CEP20: variants seen among roughly 807,000 people sequenced by gnomAD.
CEP20 encodes FGFR1OP N-terminal like.
In CEP20, 18 loss-of-function variants were observed where a neutral mutation model predicts 20.0. The ratio of observed to expected loss-of-function variants is 0.90; its 90% CI spans 0.62 to 1.34. The LOEUF is 1.34. Ranked by LOEUF, CEP20 falls within the 40% of genes most tolerant of loss-of-function variation. The pLI is 0.00. For synonymous variants in CEP20, 77 were observed against 73.7 expected (o/e 1.04, Z -0.23); for missense variants, 215 against 201.6 (o/e 1.07, Z -0.40).
chr16:15,884,510 T>TTATA (rs3075235), intron 1 of CEP20, among the ~76,000 whole-genome samples: 1 of 152,098 alleles, frequency 6.6e-6, no homozygotes, highest in East Asian at 1.9e-4. Flanking sequence ...TTTTATTTAT[T>TTATA]ATTTTTTTTG....
intron 1 of CEP20, among the ~76,000 whole-genome samples, chr16:15,888,242 C>T (rs1023085780): frequency 1.3e-5 from 2 of 152,046 alleles, no homozygotes; most frequent in African/African-American, 4.8e-5. Context: ...GTCCTCCAGC[C>T]CCCGGCAGGG....
intron 3 of CEP20, among the ~76,000 whole-genome samples, chr16:15,878,696 C>T (rs754499817): frequency 1.3e-5 from 2 of 152,068 alleles, no homozygotes; most frequent in Admixed American, 6.6e-5. Context: ...GATGGGGTTT[C>T]GCCATGTTGA....
In CEP20 at chr16:15,867,512, G is replaced by T; in HGVS notation, c.453C>A (p.Asp151Glu). 1 of 1,597,016 alleles carries T rather than the reference G, an allele frequency of 6.3e-7. No homozygotes were observed. The highest frequency in any genetic ancestry group is 8.6e-7 in the Non-Finnish European group (1 of 1,169,064). ...RQPSRRKPMD[D>E]HLRKEEQKST... is the part of the protein sequence containing the mutation. ...TTTTCTGTTCCTCCTTTCTTAGGTG[G>T]TCATCTGAAATGCACAGAAACCAAT... Residue 151 changes from aspartate (D) to glutamate (E), a missense_variant, in exon 5 of 5, where the codon GAC becomes GAA. Asp to Glu is a conservative substitution (Grantham distance 45). Transcript: ENST00000255759.
In CEP20 at chr16:15,873,530, G is replaced by C. The variant is rs1345227528; in HGVS notation, c.409C>G (p.Pro137Ala). Residue 137 changes from proline (P) to alanine (A), a missense_variant, in exon 4 of 5, where the codon CCA (proline) becomes GCA (alanine). Pro to Ala is a conservative substitution (Grantham distance 27, BLOSUM62 -1). Transcript: ENST00000255759. ...LKGPSLQPSD[P>A]SLGRQPSRRK... is the part of the protein sequence containing the mutation. ...CTACTAGGTTGTCTGCCAAGACTTGGGTCTGAAGGCTGAAGTGAAGGCCCT... is the reference window on the plus strand; with the variant it reads ...CTACTAGGTTGTCTGCCAAGACTTGCGTCTGAAGGCTGAAGTGAAGGCCCT... The C allele has an allele frequency of 1.2e-6, 2 of 1,613,848 alleles. No homozygotes were observed. Among genetic ancestry groups the C allele is most frequent in the Non-Finnish European group, 1.7e-6 (2 of 1,179,940 alleles).
At chr16:15,882,199 G>A (rs749021639) in intron 2 of CEP20, among the ~76,000 whole-genome samples, 10 of 152,196 alleles carry the variant, frequency 6.6e-5, no homozygotes, top group Non-Finnish European at 1.3e-4. Context: ...AAGCTAAGCA[G>A]ATGCCAGTGC....
chr16:15,884,375 T>A (rs2045190035), intron 1 of CEP20, among the ~76,000 whole-genome samples, 170 bp from the exon 2 acceptor site: 1 of 152,248 alleles, frequency 6.6e-6, no homozygotes, highest in Non-Finnish European at 1.5e-5. Context: ...ACCAGCCATG[T>A]TTATACTAAA....
intron 2 of CEP20, 133 bp downstream of exon 2, chr16:15,883,875 C>G (rs7201759): frequency 4.7e-6 from 3 of 644,778 alleles, no homozygotes; most frequent in African/African-American, 3.7e-5. Context: ...CAGAAAGAAC[C>G]CATGTGATTT....
intron 1 of CEP20, among the ~76,000 whole-genome samples, chr16:15,885,401 T>C (rs372229229): frequency 6.6e-6 from 1 of 152,056 alleles, no homozygotes; most frequent in Admixed American, 6.6e-5. Flanking sequence ...GGTTTTTCAT[T>C]GTTGTTATTT....
In CEP20 at chr16:15,884,057, C is replaced by T. The variant is rs1597009573; in HGVS notation, c.177G>A (p.Glu59=). 2 of 1,613,710 alleles carry T rather than the reference C, an allele frequency of 1.2e-6. No individual in the cohort carries two copies. The highest frequency in any genetic ancestry group is 1.1e-5 in the South Asian group (1 of 91,058). The change falls in exon 2 of 5, where the codon GAG becomes GAA. Residue 59 remains glutamate (E), a synonymous_variant. Coordinates refer to ENST00000255759, the MANE Select transcript of CEP20 (RefSeq NM_144600.4). ...ACTTATATTTGTTGAATTCTAAATA[C>T]TCTCGAATTAATTCATTAATTAGAA... The part of the protein sequence containing the change: ...ENLLINELIR[E]YLEFNKYKYT...
rs760198350 is a variant in CEP20, at chr16:15,879,903, T to C, written c.227-15A>G. 1 of 1,549,126 alleles carries C rather than the reference T, an allele frequency of 6.5e-7. No homozygotes were observed. Among genetic ancestry groups the C allele is most frequent in the Non-Finnish European group, 8.8e-7 (1 of 1,141,738 alleles). On this transcript the variant is annotated splice_polypyrimidine_tract_variant and intron_variant, in intron 2 of 4. Transcript: ENST00000255759. Reference sequence around the variant, plus strand: ...TTGACCAGATTCTGGGAGAAATAAATTCATGAGAACACTCAGTCTATTAAA... The same window carrying C: ...TTGACCAGATTCTGGGAGAAATAAACTCATGAGAACACTCAGTCTATTAAA...
intron 3 of CEP20, among the ~76,000 whole-genome samples, chr16:15,876,816 C>CTTT (rs139036390): frequency 1.0e-4 from 15 of 143,954 alleles, no homozygotes; most frequent in East Asian, 2.0e-4. Flanking sequence ...GTTTTAGCAA[C>CTTT]TTTTTTTTTT....
rs369309383 is a variant in CEP20 at position 15,874,741 on chromosome 16, C to T, written c.312-1114G>A. ...TGGTATAATGGTTTACAGTACGACG[C>T]TCCCTTCCAAAGATGGAATCTCATT... On this transcript the variant is annotated intron_variant, in intron 3 of 4. Coordinates refer to ENST00000255759, the MANE Select transcript of CEP20 (RefSeq NM_144600.4). Among the ~76,000 whole-genome samples, 3 of 152,240 alleles carry T rather than the reference C, an allele frequency of 2.0e-5. No homozygotes were observed. In the East Asian group the frequency reaches 5.8e-4, roughly 29 times the overall value.
intron 3 of CEP20, among the ~76,000 whole-genome samples, chr16:15,878,553 G>A (rs1402324406): frequency 6.6e-6 from 1 of 150,810 alleles, no homozygotes; most frequent in Non-Finnish European, 1.5e-5. Context: ...CTAGAGTGCA[G>A]TGGTGTGATC....
At chr16:15,883,617 G>A (rs573001214) in intron 2 of CEP20, among the ~76,000 whole-genome samples, 11 of 152,118 alleles carry the variant, frequency 7.2e-5, no homozygotes, top group East Asian at 3.9e-4. Context: ...ATCTTGCCTC[G>A]GCCTCCCAAA....
At chr16:15,870,065 T>C (rs215565) in intron 4 of CEP20, among the ~76,000 whole-genome samples, 50,963 of 152,018 alleles carry the variant, frequency 0.34, 10,454 homozygotes, top group Non-Finnish European at 0.44. Flanking sequence ...TAGGTGTCTC[T>C]TTCCCTCCCT....
chr16:15,874,165 C>T (rs1000282587), intron 3 of CEP20, among the ~76,000 whole-genome samples: 2 of 152,266 alleles, frequency 1.3e-5, no homozygotes, highest in South Asian at 4.2e-4. Flanking sequence ...ACCGTCCCTC[C>T]CTTATAGGGC....
At chr16:15,868,673 C>A (rs1262024605) in intron 4 of CEP20, among the ~76,000 whole-genome samples, 1 of 152,092 alleles carries the variant, frequency 6.6e-6, no homozygotes, top group Non-Finnish European at 1.5e-5. Flanking sequence ...TAGTTCTCAG[C>A]TGCTTATTCT....
Position 15,888,540 on chromosome 16 carries a change from C to T in CEP20, c.28+18G>A, listed in dbSNP as rs752494468. 8 of 1,614,170 alleles carry T rather than the reference C, an allele frequency of 5.0e-6. No individual in the cohort carries two copies. In the South Asian group the frequency reaches 6.6e-5, roughly 13 times the overall value. On this transcript the variant is annotated intron_variant, in intron 1 of 4. Transcript: ENST00000255759. ...GGCCCGACGCTTCCCATGTGGAGGC[C>T]TCCCTGCTCGCACTCACCAGCCTTC...
intron 3 of CEP20, among the ~76,000 whole-genome samples, chr16:15,873,856 TA>T (rs1419739673): frequency 7.2e-5 from 11 of 152,158 alleles, no homozygotes; most frequent in African/African-American, 2.7e-4. Flanking sequence ...GAAAACATGT[TA>T]ACAACTTAAA....
Sources: gnomAD v4.1 joint callset for allele counts (sites outside exome capture counted in the v4.1 genomes callset) on GRCh38, gnomAD v4.1.1 for gene constraint, MANE v1.5 for transcripts, NCBI Gene and HGNC (gene_info 2026-07-23, HGNC 2026-07-21) for gene names.